Variants in CABLES1 observed in about 807,000 individuals in gnomAD.
CABLES1 encodes Cdk5 and Abl enzyme substrate 1, also known as CDK5 and ABL1 enzyme substrate 1.
CABLES1 carries 36 observed loss-of-function variants against 57.8 expected under a neutral mutation model. The observed-to-expected ratio is 0.62, with a 90% CI of 0.48 to 0.82. CABLES1 has a LOEUF of 0.82. Ranked by LOEUF, CABLES1 falls within the 40% of genes least tolerant of loss-of-function variation. The pLI, the probability that CABLES1 is intolerant of heterozygous loss-of-function variation, is 0.00. For synonymous variants in CABLES1, 374 were observed against 363.0 expected, an observed-to-expected ratio of 1.03 and a Z score of -0.35; for missense variants, 767 against 836.6, an observed-to-expected ratio of 0.92 and a Z score of 1.03.
rs537039651 is a variant in CABLES1, at chr18:23,174,763, G to A, written c.846-14075G>A. On this transcript the variant is annotated intron_variant, in intron 1 of 9. Transcript: ENST00000256925. ...CTGGGATTACAGGTGTGAGCCCACC[G>A]CGCCCGGCCTGTGTTTAACATTTTG... Among the ~76,000 whole-genome samples, 23 of 147,064 alleles carry A rather than the reference G, an allele frequency of 1.6e-4. No individual in the cohort carries two copies. In the East Asian group the frequency reaches 2.8e-3, roughly 18 times the overall value.
At chr18:23,256,875 T>C (rs2048180114) in intron 9 of CABLES1, among the ~76,000 whole-genome samples, 1 of 152,238 alleles carries the variant, frequency 6.6e-6, no homozygotes, top group Non-Finnish European at 1.5e-5. Context: ...AGTGCTGCAA[T>C]TGGCTACACA....
intron 3 of CABLES1, among the ~76,000 whole-genome samples, chr18:23,195,929 C>T (rs561294885): frequency 2.6e-5 from 4 of 152,066 alleles, no homozygotes; most frequent in South Asian, 2.1e-4. Flanking sequence ...TCTCTTTAAC[C>T]GTAACATAAA....
intron 1 of CABLES1, among the ~76,000 whole-genome samples, chr18:23,169,682 C>T (rs2047068598): frequency 6.6e-6 from 1 of 152,206 alleles, no homozygotes; most frequent in Non-Finnish European, 1.5e-5. Flanking sequence ...AACTTTGAAG[C>T]TGTTTGAAGC....
chr18:23,136,740 C>A (rs1185547058), intron 1 of CABLES1, 133 bp downstream of exon 1: 2 of 561,610 alleles, frequency 3.6e-6, no homozygotes, highest in East Asian at 3.5e-5. Flanking sequence ...GTGCTCCGGG[C>A]CCGAATCCCA....
At chr18:23,194,173 G>GT (rs200547871) in intron 2 of CABLES1, among the ~76,000 whole-genome samples, 25 of 151,712 alleles carry the variant, frequency 1.6e-4, no homozygotes, top group Non-Finnish European at 3.1e-4. Flanking sequence ...ATAGGTTTTT[G>GT]TTTTTTTTAA....
intron 1 of CABLES1, among the ~76,000 whole-genome samples, chr18:23,166,493 G>A (rs1302721450): frequency 6.6e-6 from 1 of 152,104 alleles, no homozygotes; most frequent in Non-Finnish European, 1.5e-5. Context: ...GTGAGCCACC[G>A]CTCCTGGCCA....
chr18:23,185,278 T>C (rs987644051), intron 1 of CABLES1, among the ~76,000 whole-genome samples: 2 of 152,102 alleles, frequency 1.3e-5, no homozygotes, highest in East Asian at 3.9e-4. Flanking sequence ...TGGAGGAGTC[T>C]GTGCTTCCTA....
intron 8 of CABLES1, 126 bp from the exon 9 acceptor site, chr18:23,253,603 T>C: frequency 1.3e-6 from 1 of 784,004 alleles, no homozygotes; most frequent in Admixed American, 2.5e-5. Flanking sequence ...CCCAGGGACT[T>C]AATCCCAGTC....
chr18:23,152,685 A>G (rs1328960815), intron 1 of CABLES1, among the ~76,000 whole-genome samples: 1 of 151,724 alleles, frequency 6.6e-6, no homozygotes, highest in African/African-American at 2.4e-5. Flanking sequence ...GGGTTTCACC[A>G]TGTTGGCCAG....
At chr18:23,180,063 C>T (rs987097386) in intron 1 of CABLES1, among the ~76,000 whole-genome samples, 9 of 152,046 alleles carry the variant, frequency 5.9e-5, no homozygotes, top group Admixed American at 6.5e-5. Flanking sequence ...GGACTACAGG[C>T]GCCCGCCACC....
chr18:23,221,630 G>A (rs2047487911), intron 4 of CABLES1, among the ~76,000 whole-genome samples: 1 of 152,200 alleles, frequency 6.6e-6, no homozygotes, highest in Non-Finnish European at 1.5e-5. Context: ...AAGTGCTGTT[G>A]ACGCTGCCAT....
intron 3 of CABLES1, among the ~76,000 whole-genome samples, chr18:23,206,946 G>A (rs2047368265): frequency 6.6e-6 from 1 of 151,882 alleles, no homozygotes; most frequent in Non-Finnish European, 1.5e-5. Context: ...GAGTAGCTGG[G>A]ACTACAGGCG....
At chr18:23,169,346 C>G (rs1392663621) in intron 1 of CABLES1, among the ~76,000 whole-genome samples, 1 of 152,132 alleles carries the variant, frequency 6.6e-6, no homozygotes, top group South Asian at 2.1e-4. Context: ...GGAATCACCC[C>G]GAATTCTTTC....
At chr18:23,192,175 G>A (rs913522803) in intron 2 of CABLES1, among the ~76,000 whole-genome samples, 2 of 152,184 alleles carry the variant, frequency 1.3e-5, no homozygotes, top group African/African-American at 4.8e-5. Flanking sequence ...CACCTGCCTA[G>A]TGGTTACCTG....
chr18:23,221,941 G>A (rs1162194662), intron 4 of CABLES1, among the ~76,000 whole-genome samples: 1 of 152,158 alleles, frequency 6.6e-6, no homozygotes, highest in Non-Finnish European at 1.5e-5. Flanking sequence ...AGGGAACCAC[G>A]GGTCGCTAAG....
chr18:23,147,301 G>A (rs985606177), intron 1 of CABLES1, among the ~76,000 whole-genome samples: 4 of 152,222 alleles, frequency 2.6e-5, no homozygotes, highest in East Asian at 1.9e-4. Flanking sequence ...TAGCTCTGCC[G>A]CTTAACGGCA....
rs572246688 is a variant in CABLES1 at position 23,228,482 on chromosome 18, T to G, written c.1089-6126T>G. Among the ~76,000 whole-genome samples, 3 of 152,250 alleles carry G rather than the reference T, an allele frequency of 2.0e-5. No homozygotes were observed. The South Asian group carries it at 6.2e-4, about 32-fold the overall frequency. ...ACAGGGGTCCAGGGGTTTCTAACAGTGAAATTACAGGCATTCAAGGAGAGC... is the reference window on the plus strand; with the variant it reads ...ACAGGGGTCCAGGGGTTTCTAACAGGGAAATTACAGGCATTCAAGGAGAGC... On this transcript the variant is annotated intron_variant, in intron 4 of 9. Transcript: ENST00000256925.
rs1453201848 is a variant in CABLES1 at position 23,136,069 on chromosome 18, G to A, written c.307G>A (p.Gly103Ser). The A allele has an allele frequency of 8.6e-7, 1 of 1,161,546 alleles. No individual in the cohort carries two copies. Among genetic ancestry groups the A allele is most frequent in the Non-Finnish European group, 1.1e-6 (1 of 944,130 alleles). The allele number at this position is 1,161,546 out of a possible 1,614,324, so 72.0% of individuals were successfully genotyped here. ...AAKPGAGGAC[G>S]ARTRFSLLAA... Reference sequence around the variant, plus strand: ...CAAGCCGGGCGCCGGCGGCGCCTGCGGCGCGAGGACTCGGTTCAGCTTGCT... The same window carrying A: ...CAAGCCGGGCGCCGGCGGCGCCTGCAGCGCGAGGACTCGGTTCAGCTTGCT... Residue 103 changes from glycine to serine, a missense_variant, in exon 1 of 10, where the codon GGC (glycine) becomes AGC (serine). Gly to Ser is a moderately conservative substitution (Grantham distance 56). Around this residue, in one of 4 missense-constraint regions of CABLES1, gnomAD observed 198 missense variants for 149.7 expected, o/e 1.32. Coordinates refer to ENST00000256925, the MANE Select transcript of CABLES1 (RefSeq NM_001100619.3).
chr18:23,253,055 C>T lies in CABLES1; in HGVS notation c.1542C>T (p.Ser514=). 6.2e-7 allele frequency: 1 copy of T among 1,607,258 alleles called. No individual in the cohort carries two copies. The highest frequency in any genetic ancestry group is 8.5e-7 in the Non-Finnish European group (1 of 1,173,822). ...TTCCTCACATTAAGCTGACACTCAGCAAAATTAGGAGGTACGGGAGGCTGG... is the reference window on the plus strand; with the variant it reads ...TTCCTCACATTAAGCTGACACTCAGTAAAATTAGGAGGTACGGGAGGCTGG... The part of the protein sequence containing the change: ...EKFPHIKLTL[S]KIRSLKREMR... The change falls in exon 8 of 10, where the codon AGC becomes AGT. Residue 514 remains serine (S), a synonymous_variant. Transcript: ENST00000256925.
Sources: allele counts gnomAD v4.1 joint callset (sites outside exome capture counted in the v4.1 genomes callset), GRCh38; gene constraint gnomAD v4.1.1; regional missense constraint gnomAD v4.1.1; transcripts MANE v1.5; gene names NCBI Gene and HGNC (gene_info 2026-07-23, HGNC 2026-07-21).